Variants in CUL5 observed in about 807,000 individuals in gnomAD.
CUL5 encodes cullin-5.
Under a neutral mutation model 108.8 loss-of-function variants are expected in CUL5, and 26 were observed. The observed-to-expected ratio is 0.24, with a 90% CI of 0.18 to 0.33. The LOEUF (loss-of-function observed/expected upper bound fraction) is 0.33, where lower values mean the gene tolerates loss of function less well. CUL5 is among the 10% of genes least tolerant of loss of function. The probability of loss-of-function intolerance (pLI) is 1.00; values close to 1 mark genes in which losing one functional copy is unlikely to be tolerated. For synonymous variants in CUL5, 334 were observed against 298.0 expected, an observed-to-expected ratio of 1.12 and a Z score of -1.25; for missense variants, 524 against 909.2, an observed-to-expected ratio of 0.58 and a Z score of 5.45.
intron 11 of CUL5, among the ~76,000 whole-genome samples, chr11:108,087,875 G>C (rs1591327554): frequency 6.6e-6 from 1 of 152,146 alleles, no homozygotes; most frequent in Admixed American, 6.5e-5. Flanking sequence ...TGAGGCAGGA[G>C]AATCGCTTGA....
chr11:108,055,719 C>T (rs112702952), intron 7 of CUL5, among the ~76,000 whole-genome samples: 20,105 of 152,060 alleles, frequency 0.13, 1,419 homozygotes, highest in African/African-American at 0.18. Context: ...CAACCTCTGC[C>T]TCTCAGGCTC....
intron 3 of CUL5, among the ~76,000 whole-genome samples, chr11:108,047,000 G>A (rs1001252104): frequency 2.0e-5 from 3 of 152,048 alleles, no homozygotes; most frequent in Non-Finnish European, 4.4e-5. Flanking sequence ...CCCTAAGGAC[G>A]TGAGATTATT....
At chr11:108,079,714 A>C (rs1864026132) in intron 11 of CUL5, among the ~76,000 whole-genome samples, 2 of 152,228 alleles carry the variant, frequency 1.3e-5, no homozygotes, top group Non-Finnish European at 1.5e-5. Context: ...ATCATCGTAC[A>C]AAGTTACTTC....
At chr11:108,075,966 A>G (rs1410103588) in intron 10 of CUL5, among the ~76,000 whole-genome samples, 1 of 152,174 alleles carries the variant, frequency 6.6e-6, no homozygotes, top group African/African-American at 2.4e-5. Context: ...TTTTGTGGCA[A>G]GAGCACCCAA....
chr11:108,023,783 G>A (rs1383566115), intron 1 of CUL5, among the ~76,000 whole-genome samples: 5 of 152,030 alleles, frequency 3.3e-5, no homozygotes, highest in African/African-American at 7.2e-5. Context: ...ATTTGTTTGG[G>A]TTTCAAAAAA....
chr11:108,037,856 C>T (rs1381065944), intron 2 of CUL5, among the ~76,000 whole-genome samples: 1 of 152,180 alleles, frequency 6.6e-6, no homozygotes, highest in East Asian at 1.9e-4. Context: ...ATCCAAATTG[C>T]CACATCCTAG....
intron 18 of CUL5, among the ~76,000 whole-genome samples, chr11:108,103,191 A>T (rs191899326): frequency 1.3e-5 from 2 of 152,230 alleles, no homozygotes; most frequent in African/African-American, 4.8e-5. Context: ...CTTATTGTAA[A>T]CTTAACAGTA....
chr11:108,059,908 AC>A (rs1863493083), intron 7 of CUL5, among the ~76,000 whole-genome samples: 1 of 151,586 alleles, frequency 6.6e-6, no homozygotes, highest in African/African-American at 2.4e-5. Flanking sequence ...ATTGAATAAT[AC>A]CCTTTTGTAT....
chr11:108,067,903 A>T lies in CUL5; in HGVS notation c.781-2193A>T, dbSNP rs7104710. 4.9e-3 allele frequency among the ~76,000 whole-genome samples: 747 copies of T among 152,064 alleles called. 4 individuals carry two copies. The highest frequency in any genetic ancestry group is 0.016 in the African/African-American group (659 of 41,506). ...GGAAAGAGTTTCTTAACCATTTTAT[A>T]TGTGTAGTCTTTTCTTTATTTTTCT... On this transcript the variant is annotated intron_variant, in intron 7 of 18. Transcript: ENST00000393094.
chr11:108,021,808 G>T (rs990066261), intron 1 of CUL5, among the ~76,000 whole-genome samples: 2 of 147,958 alleles, frequency 1.4e-5, no homozygotes, highest in Non-Finnish European at 3.0e-5. Flanking sequence ...GAGCCACACC[G>T]CCCAGTTTAT....
At chr11:108,102,649 G>T (rs780899051) in intron 18 of CUL5, among the ~76,000 whole-genome samples, 13 of 152,240 alleles carry the variant, frequency 8.5e-5, no homozygotes, top group South Asian at 2.1e-4. Flanking sequence ...TATCTATATA[G>T]GGGAAGTTGA....
At chr11:108,065,146 C>A (rs1424377797) in intron 7 of CUL5, among the ~76,000 whole-genome samples, 1 of 152,108 alleles carries the variant, frequency 6.6e-6, no homozygotes, top group African/African-American at 2.4e-5. Context: ...CTGCCTCAGC[C>A]TCCCAAGTAG....
At chr11:108,022,829 G>A (rs1182931721) in intron 1 of CUL5, among the ~76,000 whole-genome samples, 1 of 152,098 alleles carries the variant, frequency 6.6e-6, no homozygotes, top group Non-Finnish European at 1.5e-5. Context: ...TCCAGCCTAG[G>A]TGACAGCAAG....
At chr11:108,054,386 T>C (rs555025340) in intron 5 of CUL5, among the ~76,000 whole-genome samples, 1 of 152,370 alleles carries the variant, frequency 6.6e-6, no homozygotes, top group South Asian at 2.1e-4. Flanking sequence ...GAATGTTTTC[T>C]TGATTATTCA....
chr11:108,104,230 G>C lies in CUL5; in HGVS notation c.2189G>C (p.Ser730Thr), dbSNP rs763188561. 1 of 1,587,358 alleles carries C rather than the reference G, an allele frequency of 6.3e-7. No individual in the cohort carries two copies. The highest frequency in any genetic ancestry group is 1.4e-5 in the African/African-American group (1 of 73,096). Reference sequence around the variant, plus strand: ...ATAATGAAAATGAGAAAGAAAATTAGTAATGCTCAGCTGCAGACTGAATTA... The same window carrying C: ...ATAATGAAAATGAGAAAGAAAATTACTAATGCTCAGCTGCAGACTGAATTA... ...IQIMKMRKKI[S>T]NAQLQTELVE... The change falls in exon 19 of 19, where the codon AGT becomes ACT. Residue 730 changes from serine to threonine, a missense_variant. Transcript: ENST00000393094.
chr11:108,018,643 C>T (rs952777248), intron 1 of CUL5, among the ~76,000 whole-genome samples: 2 of 152,118 alleles, frequency 1.3e-5, no homozygotes, highest in Non-Finnish European at 2.9e-5. Flanking sequence ...CCATTGCACT[C>T]CAGCCTGGGT....
chr11:108,072,046 A>G (rs1401284085), intron 8 of CUL5, among the ~76,000 whole-genome samples: 6 of 152,146 alleles, frequency 3.9e-5, no homozygotes, highest in African/African-American at 1.4e-4. Context: ...AGGCATGGTG[A>G]CATGTGCCTG....
chr11:108,015,865 C>T (rs1283717715), intron 1 of CUL5, among the ~76,000 whole-genome samples: 1 of 152,096 alleles, frequency 6.6e-6, no homozygotes, highest in African/African-American at 2.4e-5. Flanking sequence ...GAATTTTAGA[C>T]TGCTGGAAGG....
At chr11:108,044,774 T>A (rs1052567073) in intron 2 of CUL5, among the ~76,000 whole-genome samples, 8 of 151,962 alleles carry the variant, frequency 5.3e-5, no homozygotes, top group African/African-American at 1.9e-4. Context: ...TTATTATTAT[T>A]TTTTTGAGAC....
Sources: gnomAD v4.1 joint callset for allele counts (sites outside exome capture counted in the v4.1 genomes callset) on GRCh38, gnomAD v4.1.1 for gene constraint, MANE v1.5 for transcripts, NCBI Gene and HGNC (gene_info 2026-07-23, HGNC 2026-07-21) for gene names.